ESYT3: variants seen among roughly 807,000 people sequenced by gnomAD.
The protein encoded by ESYT3 is extended synaptotagmin 3.
A neutral mutation model predicts 111.5 loss-of-function variants in ESYT3; 101 were observed. The ratio of observed to expected loss-of-function variants is 0.91; its 90% CI spans 0.77 to 1.07. The LOEUF is 1.07. Ranked by LOEUF, ESYT3 falls within the 50% of genes least tolerant of loss-of-function variation. The pLI, the probability that ESYT3 is intolerant of heterozygous loss-of-function variation, is 0.00. For synonymous variants in ESYT3, 416 were observed against 446.8 expected (o/e 0.93, Z 0.87); for missense variants, 1,097 against 1,109.4 (o/e 0.99, Z 0.16).
rs769593339 is a variant in ESYT3, at chr3:138,459,969, C to G, written c.673C>G (p.Leu225Val). Reference protein sequence around the residue: ...IQLQGTLRVILEPLLVDKPFV... With the variant: ...IQLQGTLRVIVEPLLVDKPFV... ...GTTGCAGGGCACCCTGCGGGTCATC[C>G]TGGAGCCCCTCCTAGTGGACAAGCC... Residue 225 changes from leucine (L) to valine (V), a missense_variant, in exon 6 of 23, where the codon CTG becomes GTG. Leu to Val is a conservative substitution (Grantham distance 32). Transcript: ENST00000389567. The G allele has an allele frequency of 6.2e-7, 1 of 1,614,100 alleles. No homozygotes were observed. The highest frequency in any genetic ancestry group is 8.5e-7 in the Non-Finnish European group (1 of 1,179,974).
rs370268285 is a variant in ESYT3 at position 138,434,627 on chromosome 3, C to T, written c.-172C>T. The stretch of plus-strand genomic sequence containing the variant: ...CGGCGCGGCGCGGTGCATTTCCAGG[C>T]GCTGCTCTCCGTCGCAGAGAACCCT... On this transcript the variant is annotated 5_prime_UTR_variant, in exon 1 of 23. Transcript: ENST00000389567. 12 of 600,754 alleles carry T rather than the reference C, an allele frequency of 2.0e-5. No homozygotes were observed. The highest frequency in any genetic ancestry group is 3.0e-5 in the Non-Finnish European group (11 of 362,180). The allele number at this position is 600,754 out of a possible 1,614,324, so 37.2% of individuals were successfully genotyped here.
chr3:138,463,111 G>A (rs2032738416), intron 8 of ESYT3, among the ~76,000 whole-genome samples: 1 of 152,074 alleles, frequency 6.6e-6, no homozygotes, highest in Admixed American at 6.6e-5. Context: ...AAGGGAGGTG[G>A]TGGCGGGGAG....
chr3:138,457,593 C>T lies in ESYT3; in HGVS notation c.530C>T (p.Ala177Val). 2 of 1,614,178 alleles carry T rather than the reference C, an allele frequency of 1.2e-6. No individual in the cohort carries two copies. Among genetic ancestry groups the T allele is most frequent in the Non-Finnish European group, 1.7e-6 (2 of 1,180,042 alleles). ...QKCPRVNGVKAHTNTCNRRRV... is the reference protein window; with the variant it reads ...QKCPRVNGVKVHTNTCNRRRV... ...TGTCCCAGGGTCAACGGTGTCAAGGCACACACTAATACGTGCAACCGAAGA... is the reference window on the plus strand; with the variant it reads ...TGTCCCAGGGTCAACGGTGTCAAGGTACACACTAATACGTGCAACCGAAGA... The change falls in exon 4 of 23, where the codon GCA becomes GTA. Residue 177 changes from alanine (A) to valine (V), a missense_variant. Ala to Val is a moderately conservative substitution (Grantham distance 64). Coordinates refer to ENST00000389567, the MANE Select transcript of ESYT3 (RefSeq NM_031913.5).
chr3:138,457,500 G>C (rs1330858316), intron 3 of ESYT3, 68 bp from the exon 4 acceptor site: 1 of 1,418,676 alleles, frequency 7.0e-7, no homozygotes, highest in African/African-American at 1.4e-5. Context: ...CCAGTGCCGG[G>C]GGGAGAGCTG....
intron 18 of ESYT3, 25 bp from the exon 19 acceptor site, chr3:138,473,511 G>A (rs773262328): frequency 1.2e-6 from 2 of 1,604,360 alleles, no homozygotes; most frequent in Admixed American, 1.7e-5. Context: ...TATGGCGAGA[G>A]AAGTGATGGG....
intron 8 of ESYT3, among the ~76,000 whole-genome samples, chr3:138,463,103 G>A (rs1258483108): frequency 6.6e-6 from 1 of 152,012 alleles, no homozygotes. Flanking sequence ...TGGGTGTGAA[G>A]GGAGGTGGTG....
chr3:138,437,292 A>G (rs1211220506), intron 1 of ESYT3, among the ~76,000 whole-genome samples: 1 of 152,220 alleles, frequency 6.6e-6, no homozygotes, highest in Non-Finnish European at 1.5e-5. Context: ...CCAGGTTTCC[A>G]TATCATATTG....
Position 138,470,956 on chromosome 3 carries a change from C to A in ESYT3, c.1670C>A (p.Thr557Asn). 1 of 1,614,178 alleles carries A rather than the reference C, an allele frequency of 6.2e-7. No individual in the cohort carries two copies. Among genetic ancestry groups the A allele is most frequent in the Non-Finnish European group, 8.5e-7 (1 of 1,180,038 alleles). Residue 557 changes from threonine to asparagine, a missense_variant, in exon 17 of 23, where the codon ACT becomes AAT. By Grantham distance (65) the Thr-to-Asn change is moderately conservative. Coordinates refer to ENST00000389567, the MANE Select transcript of ESYT3 (RefSeq NM_031913.5). Reference sequence around the variant, plus strand: ...CAGATCCTCCCCTATGCTGACCTCACTCTTGAGCAGCGCTTTCAGCTGGAC... The same window carrying A: ...CAGATCCTCCCCTATGCTGACCTCAATCTTGAGCAGCGCTTTCAGCTGGAC... ...LCQILPYADL[T>N]LEQRFQLDHS...
chr3:138,437,580 G>A (rs1440737691), intron 1 of ESYT3, among the ~76,000 whole-genome samples: 2 of 152,210 alleles, frequency 1.3e-5, no homozygotes, highest in South Asian at 2.1e-4. Flanking sequence ...ACAGGGTCAA[G>A]TTGAGGCAGA....
At chr3:138,437,202 C>A (rs902015707) in intron 1 of ESYT3, among the ~76,000 whole-genome samples, 2 of 152,188 alleles carry the variant, frequency 1.3e-5, no homozygotes, top group African/African-American at 2.4e-5. Context: ...CATAACAGGT[C>A]ATTGCCATTG....
At chr3:138,446,535 A>G (rs1461889913) in intron 1 of ESYT3, among the ~76,000 whole-genome samples, 3 of 152,224 alleles carry the variant, frequency 2.0e-5, no homozygotes, top group African/African-American at 2.4e-5. Context: ...AGCAATTGTC[A>G]TATTAGACAA....
chr3:138,456,107 A>G (rs902932437), intron 3 of ESYT3, among the ~76,000 whole-genome samples: 4 of 152,268 alleles, frequency 2.6e-5, no homozygotes, highest in Non-Finnish European at 4.4e-5. Flanking sequence ...GCCCCTGGGC[A>G]GGGGTGGATT....
At chr3:138,462,427 T>G in intron 8 of ESYT3, 1 of 590,288 alleles carries the variant, frequency 1.7e-6, no homozygotes, top group African/African-American at 1.8e-5. Context: ...ATTCTAAACT[T>G]ACTTGGAATA....
At chr3:138,449,715 G>C (rs780322424) in intron 1 of ESYT3, among the ~76,000 whole-genome samples, 17 of 152,192 alleles carry the variant, frequency 1.1e-4, no homozygotes, top group Admixed American at 2.0e-4. Flanking sequence ...GCTGGAAGGA[G>C]GACAGCTACT....
In ESYT3 at chr3:138,474,226, T is replaced by TAACA; in HGVS notation, c.2343_2346dup (p.Pro783AsnfsTer9). 6.5e-7 allele frequency: 1 copy of TAACA among 1,549,838 alleles called. No homozygotes were observed. Among genetic ancestry groups the TAACA allele is most frequent in the South Asian group, 1.1e-5 (1 of 89,760 alleles). On this transcript the variant is annotated frameshift_variant, in exon 20 of 23. Coordinates refer to ENST00000389567, the MANE Select transcript of ESYT3 (RefSeq NM_031913.5). LOFTEE classifies it high-confidence loss of function. The stretch of plus-strand genomic sequence containing the variant: ...TGTCTTTGACACCAAATCAGAAACC[T>TAACA]AACACCATGTACCAGCAGTGGAGCT...
In ESYT3 at chr3:138,478,328, A is replaced by G. The variant is rs192731458; in HGVS notation, c.*1474A>G. 3.0e-4 allele frequency: 46 copies of G among 152,330 alleles called. No individual in the cohort carries two copies. The highest frequency in any genetic ancestry group is 1.0e-3 in the African/African-American group (43 of 41,568). The allele number at this position is 152,330 out of a possible 1,614,324, so 9.4% of individuals were successfully genotyped here. On this transcript the variant is annotated 3_prime_UTR_variant, in exon 23 of 23. Coordinates refer to ENST00000389567, the MANE Select transcript of ESYT3 (RefSeq NM_031913.5). ...CACCATCCAAGACCGTGTTAAGTAC[A>G]TAGAAGATGCATGGTGAAATTCGTT...
chr3:138,472,066 T>C (rs937457799), intron 17 of ESYT3, among the ~76,000 whole-genome samples: 1 of 152,220 alleles, frequency 6.6e-6, no homozygotes. Context: ...CCAAGGTTGA[T>C]ATACAACCCT....
At chr3:138,473,287 G>A (rs2033326386) in intron 18 of ESYT3, 2 of 672,542 alleles carry the variant, frequency 3.0e-6, no homozygotes, top group Non-Finnish European at 4.4e-6. Context: ...ATTCATCCAA[G>A]GTCCCAAAAG....
In ESYT3 at chr3:138,473,553, G is replaced by A. The variant is rs201126281; in HGVS notation, c.2255G>A (p.Arg752Gln). 55 of 1,613,436 alleles carry A rather than the reference G, an allele frequency of 3.4e-5. No homozygotes were observed. The highest frequency in any genetic ancestry group is 3.4e-5 in the Non-Finnish European group (40 of 1,179,598). ...SLNIEGGDLRRRQLGEIQLTV... is the reference protein window; with the variant it reads ...SLNIEGGDLRQRQLGEIQLTV... Reference sequence around the variant, plus strand: ...CTTTACAGAGGTGGGGACCTCAGGCGACGGCAGCTGGGTGAGATTCAGCTC... The same window carrying A: ...CTTTACAGAGGTGGGGACCTCAGGCAACGGCAGCTGGGTGAGATTCAGCTC... The change falls in exon 19 of 23, where the codon CGA becomes CAA. Residue 752 changes from arginine to glutamine, a missense_variant. Coordinates refer to ENST00000389567, the MANE Select transcript of ESYT3 (RefSeq NM_031913.5).
Sources: allele counts gnomAD v4.1 joint callset (sites outside exome capture counted in the v4.1 genomes callset), GRCh38; gene constraint gnomAD v4.1.1; transcripts MANE v1.5; gene names NCBI Gene and HGNC (gene_info 2026-07-23, HGNC 2026-07-21).